Variants in AGBL1 observed in about 807,000 individuals in gnomAD.
The protein encoded by AGBL1 is cytosolic carboxypeptidase 4.
Under a neutral mutation model 118.9 loss-of-function variants are expected in AGBL1, and 130 were observed. That is an observed-to-expected ratio of 1.09 (90% CI 0.95 to 1.26). The LOEUF is 1.26. Among genes scored for constraint, AGBL1 ranks in the 50% most tolerant of loss-of-function variants. The pLI is 0.00. For synonymous variants in AGBL1, 555 were observed against 478.9 expected, an observed-to-expected ratio of 1.16 and a Z score of -2.08; for missense variants, 1,584 against 1,298.1, an observed-to-expected ratio of 1.22 and a Z score of -3.38.
intron 18 of AGBL1, among the ~76,000 whole-genome samples, chr15:86,493,600 G>A (rs2082810644): frequency 6.6e-6 from 1 of 151,968 alleles, no homozygotes. Flanking sequence ...GGAGGTCTGA[G>A]TCTTCCCCAA....
intron 24 of AGBL1, among the ~76,000 whole-genome samples, chr15:87,000,628 T>C (rs2081427128): frequency 9.7e-6 from 1 of 103,244 alleles, no homozygotes; most frequent in Non-Finnish European, 2.0e-5. Context: ...TTGGTTACTG[T>C]AGCCTTGTAG....
At chr15:86,474,435 G>T (rs775960815) in intron 18 of AGBL1, among the ~76,000 whole-genome samples, 1 of 152,212 alleles carries the variant, frequency 6.6e-6, no homozygotes, top group African/African-American at 2.4e-5. Context: ...TATATCCCGT[G>T]CCTGGCTCAG....
intron 21 of AGBL1, among the ~76,000 whole-genome samples, chr15:86,654,020 C>T (rs2085422104): frequency 6.6e-6 from 1 of 152,106 alleles, no homozygotes; most frequent in Admixed American, 6.6e-5. Context: ...AACAGGAAAC[C>T]ACAGTTAGAA....
intron 22 of AGBL1, among the ~76,000 whole-genome samples, chr15:86,721,313 G>T (rs1383049299): frequency 6.6e-6 from 1 of 152,194 alleles, no homozygotes; most frequent in Non-Finnish European, 1.5e-5. Context: ...GATCAAGTGG[G>T]CTTCATCCCT....
chr15:86,636,079 T>A (rs776580789), intron 21 of AGBL1, among the ~76,000 whole-genome samples: 1 of 152,112 alleles, frequency 6.6e-6, no homozygotes, highest in African/African-American at 2.4e-5. Context: ...AGTGTGATGA[T>A]CAAAATGTCC....
chr15:86,178,025 C>T (rs1467590618), intron 5 of AGBL1, among the ~76,000 whole-genome samples: 1 of 152,142 alleles, frequency 6.6e-6, no homozygotes, highest in East Asian at 1.9e-4. Flanking sequence ...GATAAAACTT[C>T]ATTCCAGGCT....
At chr15:86,250,831 T>C (rs533536990) in intron 7 of AGBL1, among the ~76,000 whole-genome samples, 4 of 152,122 alleles carry the variant, frequency 2.6e-5, no homozygotes, top group African/African-American at 9.7e-5. Flanking sequence ...TCCTCTCCCT[T>C]CTGCTAGAGA....
intron 22 of AGBL1, among the ~76,000 whole-genome samples, chr15:86,887,696 C>G (rs1178229322): frequency 6.6e-6 from 1 of 152,094 alleles, no homozygotes; most frequent in Non-Finnish European, 1.5e-5. Context: ...TGACATTGTT[C>G]CATGCACCTC....
intron 24 of AGBL1, among the ~76,000 whole-genome samples, chr15:87,015,511 G>A (rs775585017): frequency 1.3e-5 from 2 of 152,092 alleles, no homozygotes; most frequent in Non-Finnish European, 2.9e-5. Context: ...ACCCTTCCAA[G>A]CTATGTGATT....
intron 21 of AGBL1, among the ~76,000 whole-genome samples, chr15:86,644,517 A>G (rs1032825868): frequency 5.3e-5 from 8 of 152,156 alleles, no homozygotes; most frequent in African/African-American, 1.9e-4. Context: ...CCTTAATTCT[A>G]ACAGCATAGA....
At chr15:86,925,883 A>C (rs1596641411) in intron 23 of AGBL1, among the ~76,000 whole-genome samples, 1 of 151,770 alleles carries the variant, frequency 6.6e-6, no homozygotes, top group South Asian at 2.1e-4. Context: ...GGCGCCCGCC[A>C]CCATGCCCGG....
intron 21 of AGBL1, among the ~76,000 whole-genome samples, chr15:86,653,032 C>T (rs2085401725): frequency 6.6e-6 from 1 of 152,046 alleles, no homozygotes; most frequent in South Asian, 2.1e-4. Flanking sequence ...TGTTATAGAC[C>T]CTAACAAATG....
chr15:86,659,413 G>T (rs2085506566), intron 21 of AGBL1, among the ~76,000 whole-genome samples: 1 of 152,152 alleles, frequency 6.6e-6, no homozygotes, highest in Non-Finnish European at 1.5e-5. Context: ...GGACTCTGAA[G>T]GTAAAGGTGA....
intron 1 of AGBL1, among the ~76,000 whole-genome samples, chr15:86,113,227 CTTTTCTTTTCTTTTCTTTTCTTTTCT>C (rs1897516742): frequency 4.3e-4 from 28 of 65,056 alleles, no homozygotes; most frequent in African/African-American, 2.2e-3. Flanking sequence ...CTTTTCTTTT[CTTTTCTTTTCTTTTCTTTTCTTTTCT>C]TTTCTTTCTT....
At chr15:86,773,676 A>G (rs1401608754) in intron 22 of AGBL1, among the ~76,000 whole-genome samples, 1 of 151,934 alleles carries the variant, frequency 6.6e-6, no homozygotes, top group African/African-American at 2.4e-5. Flanking sequence ...TGTCAATACA[A>G]TTAGCCTTCA....
At chr15:86,121,900 A>G (rs2141581512) in intron 1 of AGBL1, among the ~76,000 whole-genome samples, 1 of 152,342 alleles carries the variant, frequency 6.6e-6, no homozygotes, top group African/African-American at 2.4e-5. Context: ...TAGTTATAAG[A>G]TAAAATGAAA....
At chr15:86,349,605 A>G (rs1044933058) in intron 17 of AGBL1, among the ~76,000 whole-genome samples, 1 of 152,226 alleles carries the variant, frequency 6.6e-6, no homozygotes, top group Admixed American at 6.5e-5. Flanking sequence ...GGAACTCAAT[A>G]AATGCTTCCT....
chr15:86,175,115 C>T (rs1226366493), intron 5 of AGBL1, among the ~76,000 whole-genome samples: 1 of 152,014 alleles, frequency 6.6e-6, no homozygotes, highest in Non-Finnish European at 1.5e-5. Flanking sequence ...TAGAATTCAT[C>T]AGTAAAGTCA....
chr15:86,189,163 G>T (rs1353002756), intron 5 of AGBL1, among the ~76,000 whole-genome samples: 1 of 152,176 alleles, frequency 6.6e-6, no homozygotes, highest in Non-Finnish European at 1.5e-5. Flanking sequence ...AAGTTTAGAT[G>T]ACTTCTGTGC....
Sources: gnomAD v4.1 joint callset for allele counts (sites outside exome capture counted in the v4.1 genomes callset) on GRCh38, gnomAD v4.1.1 for gene constraint, MANE v1.5 for transcripts, NCBI Gene and HGNC (gene_info 2026-07-23, HGNC 2026-07-21) for gene names.